The following IRS1 variants were observed in gnomAD, a reference collection of about 807,000 sequenced individuals.
IRS1 encodes the protein insulin receptor substrate 1.
A neutral mutation model predicts 65.6 loss-of-function variants in IRS1; 34 were observed. That is an observed-to-expected ratio of 0.52 (90% confidence interval 0.39 to 0.69). The LOEUF (loss-of-function observed/expected upper bound fraction) is 0.69, where lower values mean the gene tolerates loss of function less well. IRS1 is among the 30% of genes least tolerant of loss of function. The probability of loss-of-function intolerance (pLI) is 0.00; values close to 1 mark genes in which losing one functional copy is unlikely to be tolerated. For missense variants in IRS1, 1,641 were observed against 1,720.2 expected, an observed-to-expected ratio of 0.95 and a Z score of 0.81; for synonymous variants, 699 against 683.5, an observed-to-expected ratio of 1.02 and a Z score of -0.35.
chr2:226,795,343 G>T lies in IRS1; in HGVS notation c.3396C>A (p.Ser1132Arg), dbSNP rs1420768018. Residue 1132 changes from serine (S) to arginine (R), a missense_variant, in exon 1 of 2, where the codon AGC becomes AGA. Physicochemically the swap from Ser to Arg is moderately radical, Grantham distance 110. This residue lies in a region of IRS1 where 1,324 missense variants were observed against 1,361.0 expected (regional missense o/e 0.97). Coordinates refer to ENST00000305123, the MANE Select transcript of IRS1 (RefSeq NM_005544.3). ...GAAVGGGGGSSSSSEDVKRHS... is the reference protein window; with the variant it reads ...GAAVGGGGGSRSSSEDVKRHS... ...GGCGTTTCACATCCTCGCTGCTGCT[G>T]CTGCTACCGCCACCGCCCCCTACTG... is the stretch of plus-strand genomic sequence containing the variant. 6.2e-7 allele frequency: 1 copy of T among 1,613,214 alleles called. No individual in the cohort carries two copies. Among genetic ancestry groups the T allele is most frequent in the East Asian group, 2.2e-5 (1 of 44,878 alleles).
Position 226,798,561 on chromosome 2 carries a change from G to C in IRS1, c.178C>G (p.Pro60Ala). The change falls in exon 1 of 2, where the codon CCC becomes GCC. Residue 60 changes from proline to alanine, a missense_variant. Around this residue, in one of 3 missense-constraint regions of IRS1, gnomAD observed 240 missense variants for 229.6 expected, o/e 1.05. Transcript: ENST00000305123. This position sits in a 1 kb window ranked among gnomAD's most constrained non-coding sequence, Gnocchi z 9.4. ...EKKWRHKSSA[P>A]KRSIPLESCF... is the part of the protein sequence containing the mutation. The stretch of plus-strand genomic sequence containing the variant: ...CTCTCAAGGGGGATCGAGCGTTTGG[G>C]GGCGCTCGACTTGTGCCGCCACTTC... 2 of 1,613,948 alleles carry C rather than the reference G, an allele frequency of 1.2e-6. No homozygotes were observed. Among genetic ancestry groups the C allele is most frequent in the Non-Finnish European group, 1.7e-6 (2 of 1,180,018 alleles).
chr2:226,754,469 C>T (rs1938755325), intron 1 of IRS1, among the ~76,000 whole-genome samples: 1 of 152,190 alleles, frequency 6.6e-6, no homozygotes, highest in Non-Finnish European at 1.5e-5. Flanking sequence ...TCGCCACGAT[C>T]CTGAGACTGC....
intron 1 of IRS1, among the ~76,000 whole-genome samples, chr2:226,746,310 A>G (rs1163525835): frequency 1.3e-5 from 2 of 152,068 alleles, no homozygotes; most frequent in Non-Finnish European, 2.9e-5. Context: ...GGGGCAGGGA[A>G]TTGGGTGGCT....
At chr2:226,779,375 T>TA (rs1173128165) in intron 1 of IRS1, among the ~76,000 whole-genome samples, 4 of 152,262 alleles carry the variant, frequency 2.6e-5, no homozygotes, top group African/African-American at 9.6e-5. Context: ...TTTAAAATCC[T>TA]ATGGTCCAAC....
chr2:226,796,118 G>C lies in IRS1; in HGVS notation c.2621C>G (p.Ala874Gly), dbSNP rs781289610. ...GDPKASTLPR[A>G]REQQQQQQPL... ...CTGCTGCTGCTGCTGCTGCTCTCGGGCCCGAGGTAAGGTGCTGGCCTTGGG... is the reference window on the plus strand; with the variant it reads ...CTGCTGCTGCTGCTGCTGCTCTCGGCCCCGAGGTAAGGTGCTGGCCTTGGG... Residue 874 changes from alanine to glycine, a missense_variant, in exon 1 of 2, where the codon GCC becomes GGC. Around this residue, in one of 3 missense-constraint regions of IRS1, gnomAD observed 1,324 missense variants for 1,361.0 expected, o/e 0.97. Coordinates refer to ENST00000305123, the MANE Select transcript of IRS1 (RefSeq NM_005544.3). The C allele has an allele frequency of 3.7e-6, 6 of 1,613,552 alleles. No individual in the cohort carries two copies. In the African/African-American group the frequency reaches 8.0e-5, roughly 22 times the overall value.
intron 1 of IRS1, among the ~76,000 whole-genome samples, chr2:226,774,693 A>G (rs1574654526): frequency 6.6e-6 from 1 of 152,264 alleles, no homozygotes; most frequent in East Asian, 1.9e-4. Context: ...GAAACATTTC[A>G]TAACAGGTTG....
rs1250516465 is a variant in IRS1 at position 226,797,114 on chromosome 2, T to TGGGACG, written c.1619_1624dup (p.Pro540_Ser541dup). On this transcript the variant is annotated inframe_insertion, in exon 1 of 2. Coordinates refer to ENST00000305123, the MANE Select transcript of IRS1 (RefSeq NM_005544.3). This position sits in a 1 kb window ranked among gnomAD's most constrained non-coding sequence, Gnocchi z 8.1. Reference sequence around the variant, plus strand: ...CTCCTCAATGGAAGCCACTGAGGACTGGGACGGGGTCTTCTGGTGGGTAAT... The same window carrying TGGGACG: ...CTCCTCAATGGAAGCCACTGAGGACTGGGACGGGGACGGGGTCTTCTGGTGGGTAAT... 1 of 1,613,784 alleles carries TGGGACG rather than the reference T, an allele frequency of 6.2e-7. No homozygotes were observed. The highest frequency in any genetic ancestry group is 8.5e-7 in the Non-Finnish European group (1 of 1,180,006).
rs188263095 is a variant in IRS1 at position 226,760,389 on chromosome 2, A to T, written c.*22-24139T>A. On this transcript the variant is annotated intron_variant, in intron 1 of 1. Transcript: ENST00000305123. ...CAAGAATCTCATTCTTACTCCTCAG[A>T]GAGAGTTGAAAATACCCAATTACTT... Among the ~76,000 whole-genome samples the T allele has an allele frequency of 4.3e-3, 656 of 152,324 alleles. 3 individuals carry two copies. Among genetic ancestry groups the T allele is most frequent in the African/African-American group, 0.015 (628 of 41,568 alleles).
intron 1 of IRS1, among the ~76,000 whole-genome samples, chr2:226,761,040 G>C (rs148666437): frequency 3.3e-5 from 5 of 152,296 alleles, no homozygotes; most frequent in Non-Finnish European, 5.9e-5. Flanking sequence ...TTTCAGCAGA[G>C]ATGCAGGAAT....
chr2:226,749,062 A>G (rs572421547), intron 1 of IRS1, among the ~76,000 whole-genome samples: 5 of 152,338 alleles, frequency 3.3e-5, no homozygotes, highest in African/African-American at 1.2e-4. Flanking sequence ...TTCAAAATAA[A>G]AGGGAGCCAC....
At chr2:226,756,854 C>T (rs564422499) in intron 1 of IRS1, among the ~76,000 whole-genome samples, 33 of 152,110 alleles carry the variant, frequency 2.2e-4, no homozygotes, top group African/African-American at 4.6e-4. Flanking sequence ...CCCAGCTACT[C>T]GGGAGGCTGA....
At chr2:226,769,808 T>A (rs1436445041) in intron 1 of IRS1, among the ~76,000 whole-genome samples, 1 of 152,228 alleles carries the variant, frequency 6.6e-6, no homozygotes, top group East Asian at 1.9e-4. Context: ...CCAACTTTTC[T>A]GAATTTATCG....
At chr2:226,791,640 G>A (rs992612213) in intron 1 of IRS1, among the ~76,000 whole-genome samples, 1 of 151,776 alleles carries the variant, frequency 6.6e-6, no homozygotes. Context: ...AGGGACGCCC[G>A]CCCGCCACCA....
rs1162078187 is a variant in IRS1 at position 226,797,612 on chromosome 2, G to A, written c.1127C>T (p.Pro376Leu). The A allele has an allele frequency of 6.3e-7, 1 of 1,588,248 alleles. No homozygotes were observed. ...HPPLNHSRSI[P>L]MPASRCSPSA... is the part of the protein sequence containing the mutation. ...AGGCGAGCAGCGGGAAGCCGGCATG[G>A]GGATGGAGCGGCTGTGGTTGAGCGG... is the stretch of plus-strand genomic sequence containing the variant. Residue 376 changes from proline (P) to leucine (L), a missense_variant, in exon 1 of 2, where the codon CCC becomes CTC. Physicochemically the swap from Pro to Leu is moderately conservative, Grantham distance 98. This residue lies in a region of IRS1 where 1,324 missense variants were observed against 1,361.0 expected (regional missense o/e 0.97). Transcript: ENST00000305123. The surrounding 1 kb of genome is among the most constrained non-coding windows in gnomAD (Gnocchi z 8.1).
chr2:226,792,800 A>G (rs1217479427), intron 1 of IRS1, among the ~76,000 whole-genome samples: 2 of 152,188 alleles, frequency 1.3e-5, no homozygotes, highest in Admixed American at 6.5e-5. Flanking sequence ...TTTGCCACTC[A>G]CAGGTCTGAC....
intron 1 of IRS1, among the ~76,000 whole-genome samples, chr2:226,787,077 T>C (rs79417312): frequency 3.7e-4 from 57 of 152,132 alleles, no homozygotes; most frequent in Non-Finnish European, 7.8e-4. Flanking sequence ...TCCCCCCAGG[T>C]TTCCTAACAC....
intron 1 of IRS1, among the ~76,000 whole-genome samples, chr2:226,741,786 AACACACACACAC>A (rs145806509): frequency 9.1e-4 from 126 of 138,536 alleles, no homozygotes; most frequent in African/African-American, 2.8e-3. Flanking sequence ...GAGCCCAGTA[AACACACACACAC>A]ACACACACAC....
intron 1 of IRS1, among the ~76,000 whole-genome samples, chr2:226,756,170 C>T (rs781606843): frequency 6.6e-6 from 1 of 152,112 alleles, no homozygotes; most frequent in Admixed American, 6.5e-5. Flanking sequence ...GATTTAGGGG[C>T]CCTGAATTAT....
chr2:226,770,996 G>C (rs969936524), intron 1 of IRS1, among the ~76,000 whole-genome samples: 6 of 152,122 alleles, frequency 3.9e-5, no homozygotes, highest in Admixed American at 3.9e-4. Context: ...TCCAGCCTGG[G>C]CATCAGAGTG....
Sources: allele counts gnomAD v4.1 joint callset (sites outside exome capture counted in the v4.1 genomes callset), GRCh38; gene constraint gnomAD v4.1.1; regional missense constraint gnomAD v4.1.1; non-coding constraint Gnocchi (gnomAD v3.1); transcripts MANE v1.5; gene names NCBI Gene and HGNC (gene_info 2026-07-23, HGNC 2026-07-21).